CUL2: variants seen among roughly 807,000 people sequenced by gnomAD.
CUL2 encodes cullin 2.
A neutral mutation model predicts 110.2 loss-of-function variants in CUL2; 22 were observed. The observed-to-expected ratio is 0.20, with a 90% CI of 0.14 to 0.28. CUL2 has a LOEUF of 0.28. Among genes scored for constraint, CUL2 ranks in the 10% least tolerant of loss-of-function variants. The pLI is 1.00. For missense variants in CUL2, 631 were observed against 905.5 expected (o/e 0.70, Z 3.89); for synonymous variants, 279 against 293.2 (o/e 0.95, Z 0.49).
intron 1 of CUL2, among the ~76,000 whole-genome samples, chr10:35,117,601 A>G (rs556134110): frequency 1.3e-5 from 2 of 152,002 alleles, no homozygotes; most frequent in Admixed American, 1.3e-4. Context: ...GTATGTTTAC[A>G]GCATTTGTAA....
At chr10:35,119,776 C>T (rs1182698092) in intron 1 of CUL2, among the ~76,000 whole-genome samples, 1 of 151,906 alleles carries the variant, frequency 6.6e-6, no homozygotes, top group Non-Finnish European at 1.5e-5. Context: ...CACTATGTTG[C>T]CCAGGCTGAT....
intron 1 of CUL2, among the ~76,000 whole-genome samples, chr10:35,107,190 G>A (rs2087470352): frequency 6.6e-6 from 1 of 151,784 alleles, no homozygotes; most frequent in Admixed American, 6.6e-5. Context: ...TAGCCAGGAT[G>A]GTCTTGATCT....
intron 4 of CUL2, among the ~76,000 whole-genome samples, chr10:35,059,873 T>G (rs1020638994): frequency 3.3e-5 from 5 of 152,192 alleles, no homozygotes; most frequent in Admixed American, 2.6e-4. Flanking sequence ...ACAGAGATAC[T>G]AACTAACTCA....
intron 6 of CUL2, among the ~76,000 whole-genome samples, chr10:35,046,932 A>C (rs531342446): frequency 1.4e-5 from 2 of 146,792 alleles, no homozygotes; most frequent in East Asian, 2.0e-4. Flanking sequence ...CAAAACAAAA[A>C]CAAAAAACTG....
chr10:35,123,782 T>C (rs1236411856), intron 1 of CUL2, among the ~76,000 whole-genome samples: 4 of 152,220 alleles, frequency 2.6e-5, no homozygotes, highest in African/African-American at 9.6e-5. Flanking sequence ...ATGGGCCATG[T>C]AAGTGAGAAC....
chr10:35,054,679 A>T (rs1183539205), intron 4 of CUL2, 140 bp from the exon 5 acceptor site: 4 of 502,198 alleles, frequency 8.0e-6, no homozygotes, highest in Middle Eastern at 5.1e-4. Context: ...GAAATGAATT[A>T]TGTAGAGATT....
chr10:35,071,687 C>T (rs1451863692), intron 1 of CUL2, among the ~76,000 whole-genome samples: 2 of 152,170 alleles, frequency 1.3e-5, no homozygotes, highest in African/African-American at 2.4e-5. Context: ...GGATTACAGG[C>T]ATGAACCATC....
At position 35,023,042 on chromosome 10, in the gene CUL2, CAAAGAAAA is replaced by C. The variant is rs967044542; in HGVS notation, c.1684+2082_1684+2089del. 2.6e-5 allele frequency among the ~76,000 whole-genome samples: 4 copies of C among 151,786 alleles called. No individual in the cohort carries two copies. In the East Asian group the frequency reaches 5.8e-4, roughly 22 times the overall value. The stretch of plus-strand genomic sequence containing the variant: ...TGGGTGACAGAGCAAGACCCCATCT[CAAAGAAAA>C]AAAGAAAAAGAAAATTGCTGTGACA... On this transcript the variant is annotated intron_variant, in intron 17 of 20. Transcript: ENST00000374749.
At chr10:35,095,722 C>T (rs916394769) in intron 2 of CUL2, among the ~76,000 whole-genome samples, 3 of 151,958 alleles carry the variant, frequency 2.0e-5, no homozygotes, top group South Asian at 2.1e-4. Flanking sequence ...ATACACCCAG[C>T]GAATTTTTTT....
intron 1 of CUL2, among the ~76,000 whole-genome samples, chr10:35,105,655 C>T (rs1414864675): frequency 1.3e-5 from 2 of 151,368 alleles, no homozygotes; most frequent in Non-Finnish European, 2.9e-5. Context: ...TTGCAGTGAG[C>T]CGAGATCACG....
intron 17 of CUL2, among the ~76,000 whole-genome samples, chr10:35,021,804 G>C (rs1185425129): frequency 6.8e-6 from 1 of 146,754 alleles, no homozygotes. Flanking sequence ...GGTGGGGTGA[G>C]GAGAGGCGAG....
At chr10:35,024,526 T>G (rs2085289227) in intron 17 of CUL2, among the ~76,000 whole-genome samples, 1 of 152,218 alleles carries the variant, frequency 6.6e-6, no homozygotes, top group Non-Finnish European at 1.5e-5. Flanking sequence ...AATTCAAGTG[T>G]CTGCTTTGGC....
intron 1 of CUL2, among the ~76,000 whole-genome samples, chr10:35,084,086 G>A (rs1039317869): frequency 6.6e-6 from 1 of 152,084 alleles, no homozygotes; most frequent in Non-Finnish European, 1.5e-5. Context: ...AGACCAGCCT[G>A]GTCAACATGG....
chr10:35,040,960 T>C (rs1353156957), intron 8 of CUL2, among the ~76,000 whole-genome samples: 2 of 152,166 alleles, frequency 1.3e-5, no homozygotes, highest in Non-Finnish European at 2.9e-5. Context: ...CACTCCCTGC[T>C]GTGCAGCCCG....
At chr10:35,113,358 C>T (rs571779135) in intron 1 of CUL2, among the ~76,000 whole-genome samples, 182 of 150,214 alleles carry the variant, frequency 1.2e-3, no homozygotes, top group Non-Finnish European at 2.0e-3. Context: ...ACTAGCCAGG[C>T]GTAGTGGTAT....
intron 4 of CUL2, among the ~76,000 whole-genome samples, chr10:35,057,437 A>G (rs2086265232): frequency 6.6e-6 from 1 of 152,122 alleles, no homozygotes; most frequent in Non-Finnish European, 1.5e-5. Context: ...CAGGCAGATC[A>G]CCTGAGGTCA....
chr10:35,111,749 G>A (rs369753780), intron 1 of CUL2, among the ~76,000 whole-genome samples: 8 of 152,162 alleles, frequency 5.3e-5, no homozygotes, highest in African/African-American at 1.9e-4. Context: ...TTAGCTGGGC[G>A]TGGTGTGGCA....
In CUL2 at chr10:35,113,755, G is replaced by A. The variant is rs1002219488; in HGVS notation, c.-50-12695C>T. Among the ~76,000 whole-genome samples the A allele has an allele frequency of 2.0e-5, 3 of 151,334 alleles. No homozygotes were observed. The East Asian group carries it at 5.8e-4, about 29-fold the overall frequency. On this transcript the variant is annotated intron_variant, in intron 1 of 5. Coordinates refer to the CUL2 transcript ENST00000685421. ...GGAGTTTCGCTCTGTCACCCAGGCT[G>A]GAATGCAGTGGCACGATCTCAGCTT...
At chr10:35,054,052 T>C (rs1208318238) in intron 5 of CUL2, among the ~76,000 whole-genome samples, 1 of 151,264 alleles carries the variant, frequency 6.6e-6, no homozygotes. Context: ...TAATTACTTT[T>C]AAAGTAAAGT....
Sources: gnomAD v4.1 joint callset for allele counts (sites outside exome capture counted in the v4.1 genomes callset) on GRCh38, gnomAD v4.1.1 for gene constraint, MANE v1.5 for transcripts, NCBI Gene and HGNC (gene_info 2026-07-23, HGNC 2026-07-21) for gene names.